GLB1L2: variants seen among roughly 807,000 people sequenced by gnomAD.
GLB1L2 encodes galactosidase beta 1 like 2.
Under a neutral mutation model 84.1 loss-of-function variants are expected in GLB1L2, and 68 were observed. That is an observed-to-expected ratio of 0.81 (90% CI 0.67 to 0.99). The LOEUF is 0.99. Ranked by LOEUF, GLB1L2 falls within the 50% of genes least tolerant of loss-of-function variation. The pLI, the probability that GLB1L2 is intolerant of heterozygous loss-of-function variation, is 0.00. For missense variants in GLB1L2, 762 were observed against 805.6 expected, an observed-to-expected ratio of 0.95 and a Z score of 0.66; for synonymous variants, 290 against 318.0, an observed-to-expected ratio of 0.91 and a Z score of 0.94.
At chr11:134,357,918 G>T (rs1353306383) in intron 6 of GLB1L2, among the ~76,000 whole-genome samples, 3 of 152,228 alleles carry the variant, frequency 2.0e-5, no homozygotes, top group African/African-American at 4.8e-5. Context: ...TTAAGTGTGT[G>T]TGTATGTGGT....
chr11:134,367,725 C>T (rs1943884087), intron 9 of GLB1L2, among the ~76,000 whole-genome samples: 1 of 152,174 alleles, frequency 6.6e-6, no homozygotes, highest in Non-Finnish European at 1.5e-5. Flanking sequence ...AGACAGATGC[C>T]ATCACACTCC....
At chr11:134,368,087 C>G (rs1180384904) in intron 9 of GLB1L2, among the ~76,000 whole-genome samples, 1 of 152,198 alleles carries the variant, frequency 6.6e-6, no homozygotes, top group Non-Finnish European at 1.5e-5. Context: ...CCCACAGATT[C>G]AGCAACACCG....
intron 1 of GLB1L2, among the ~76,000 whole-genome samples, chr11:134,335,352 C>T (rs1034769879): frequency 1.2e-4 from 18 of 152,012 alleles, no homozygotes; most frequent in Non-Finnish European, 8.8e-5. Context: ...TTCTAGGACT[C>T]TTCTCTGCTT....
chr11:134,374,187 A>G lies in GLB1L2; in HGVS notation c.1638A>G (p.Thr546=). The change falls in exon 17 of 19, where the codon ACA becomes ACG. Residue 546 remains threonine, a synonymous_variant. Coordinates refer to ENST00000535456, the MANE Select transcript of GLB1L2 (RefSeq NM_001370461.1). ...GGAGTTCCCTCCCAGAAACACCCAC[A>G]TTACCTGCTTTCTTCTTGGGTAGCT... The part of the protein sequence containing the change: ...DKWSSLPETP[T]LPAFFLGSLS... The G allele has an allele frequency of 1.2e-6, 2 of 1,614,124 alleles. No homozygotes were observed. Among genetic ancestry groups the G allele is most frequent in the Non-Finnish European group, 1.7e-6 (2 of 1,179,976 alleles).
chr11:134,347,699 C>T (rs1943571474), intron 5 of GLB1L2, among the ~76,000 whole-genome samples: 1 of 152,184 alleles, frequency 6.6e-6, no homozygotes, highest in African/African-American at 2.4e-5. Flanking sequence ...ACTGGAGAGA[C>T]AGGGATGCTG....
intron 7 of GLB1L2, among the ~76,000 whole-genome samples, chr11:134,362,048 C>T (rs974313538): frequency 6.6e-6 from 1 of 152,182 alleles, no homozygotes; most frequent in Non-Finnish European, 1.5e-5. Flanking sequence ...TCCACCCTCT[C>T]GTCCTCGGGT....
At chr11:134,336,837 G>A (rs1943394979) in intron 1 of GLB1L2, among the ~76,000 whole-genome samples, 1 of 152,104 alleles carries the variant, frequency 6.6e-6, no homozygotes, top group Non-Finnish European at 1.5e-5. Flanking sequence ...TGAAGATCAG[G>A]GGCTTGTTAT....
At position 134,363,441 on chromosome 11, in the gene GLB1L2, T is replaced by G. The variant is rs139935904; in HGVS notation, c.734-887T>G. Among the ~76,000 whole-genome samples the G allele has an allele frequency of 7.6e-4, 115 of 152,306 alleles. 1 individual carries two copies. The East Asian group carries it at 0.019, about 26-fold the overall frequency. ...CTAGGCTGTGCCTGTGAACTGACTGTTAGGCAGATAGCAGGCAGGTGAGGG... is the reference window on the plus strand; with the variant it reads ...CTAGGCTGTGCCTGTGAACTGACTGGTAGGCAGATAGCAGGCAGGTGAGGG... On this transcript the variant is annotated intron_variant, in intron 7 of 18. Coordinates refer to ENST00000535456, the MANE Select transcript of GLB1L2 (RefSeq NM_001370461.1).
chr11:134,345,438 G>A (rs960772906), intron 4 of GLB1L2, among the ~76,000 whole-genome samples: 2 of 152,178 alleles, frequency 1.3e-5, no homozygotes, highest in African/African-American at 4.8e-5. Context: ...ATTCACCTGC[G>A]TGTCTGCAGT....
intron 5 of GLB1L2, among the ~76,000 whole-genome samples, chr11:134,348,164 TAAATC>T (rs1565436199): frequency 1.3e-5 from 2 of 152,306 alleles, no homozygotes; most frequent in South Asian, 4.1e-4. Flanking sequence ...ACCACACACA[TAAATC>T]AAAGGGAACT....
chr11:134,371,698 T>C, intron 14 of GLB1L2, 54 bp from the exon 15 acceptor site: 3 of 1,576,348 alleles, frequency 1.9e-6, no homozygotes, highest in Non-Finnish European at 1.7e-6. Context: ...AAGCAAATTC[T>C]GAGGGGCAGC....
chr11:134,345,223 T>C, intron 4 of GLB1L2, 94 bp downstream of exon 4: 2 of 1,279,044 alleles, frequency 1.6e-6, no homozygotes, highest in Non-Finnish European at 2.1e-6. Context: ...CATTCTGTAC[T>C]GAATTGTGTT....
intron 1 of GLB1L2, among the ~76,000 whole-genome samples, chr11:134,341,044 CAA>C (rs955223222): frequency 1.3e-5 from 2 of 152,114 alleles, no homozygotes; most frequent in African/African-American, 2.4e-5. Flanking sequence ...TGGCTTGGCA[CAA>C]AGTCTAGCAC....
Position 134,356,397 on chromosome 11 carries a change from A to G in GLB1L2, c.651+4A>G, listed in dbSNP as rs3802929. ...ATACATGCCCTACGTCAAGAAGGTA[A>G]GAATCCTCTTAGTGCGTTTCTTTAG... On this transcript the variant is annotated splice_donor_region_variant and intron_variant, in intron 6 of 18. Coordinates refer to ENST00000535456, the MANE Select transcript of GLB1L2 (RefSeq NM_001370461.1). 43,372 of 1,603,656 alleles carry G rather than the reference A, an allele frequency of 0.027. 4,288 individuals are homozygous for G. The East Asian group carries it at 0.34, about 13-fold the overall frequency.
Position 134,370,225 on chromosome 11 carries a change from G to C in GLB1L2, c.1109-68G>C. On this transcript the variant is annotated intron_variant, in intron 11 of 18. Coordinates refer to ENST00000535456, the MANE Select transcript of GLB1L2 (RefSeq NM_001370461.1). This position sits in a 1 kb window ranked among gnomAD's most constrained non-coding sequence, Gnocchi z 4.7. The stretch of plus-strand genomic sequence containing the variant: ...CACATCGGGTCTGTGGATGGGAGCC[G>C]GGTGGGGAGGACGAGCAGGCAGTGA... The C allele has an allele frequency of 7.6e-7, 1 of 1,312,030 alleles. No individual in the cohort carries two copies. The highest frequency in any genetic ancestry group is 1.1e-6 in the Non-Finnish European group (1 of 906,542). 81.3% of individuals were successfully genotyped at this position (1,312,030 alleles called of 1,614,324 possible). A position where few individuals can be genotyped will look rare whatever the true frequency, so the allele number is the denominator to read the frequency against.
intron 7 of GLB1L2, among the ~76,000 whole-genome samples, 156 bp from the exon 8 acceptor site, chr11:134,364,172 C>T (rs541901411): frequency 3.7e-4 from 56 of 152,292 alleles, no homozygotes; most frequent in East Asian, 3.9e-4. Flanking sequence ...TGAGCCACCG[C>T]GCCTGACTGT....
intron 8 of GLB1L2, among the ~76,000 whole-genome samples, chr11:134,366,437 A>T (rs1943868397): frequency 6.6e-6 from 1 of 152,160 alleles, no homozygotes; most frequent in Non-Finnish European, 1.5e-5. Flanking sequence ...CCCTCTAAAC[A>T]TAAGGCTATC....
chr11:134,372,215 T>A (rs1325686550), intron 15 of GLB1L2, among the ~76,000 whole-genome samples: 4 of 152,152 alleles, frequency 2.6e-5, no homozygotes, highest in Non-Finnish European at 5.9e-5. Flanking sequence ...GCCTCCACAC[T>A]GAAGTTCTCT....
intron 14 of GLB1L2, 86 bp downstream of exon 14, chr11:134,371,578 A>C (rs1172834331): frequency 1.9e-6 from 2 of 1,030,990 alleles, no homozygotes; most frequent in East Asian, 4.8e-5. Flanking sequence ...AACCTGGGAG[A>C]CCCGTGGCTC....
Sources: gnomAD v4.1 joint callset for allele counts (sites outside exome capture counted in the v4.1 genomes callset) on GRCh38, gnomAD v4.1.1 for gene constraint, Gnocchi (gnomAD v3.1) non-coding constraint, MANE v1.5 for transcripts, NCBI Gene and HGNC (gene_info 2026-07-23, HGNC 2026-07-21) for gene names.